The following TBC1D8 variants were observed in gnomAD, a reference collection of about 807,000 sequenced individuals.
TBC1D8 encodes BUB2-like protein 1.
TBC1D8 carries 65 observed loss-of-function variants against 118.8 expected under a neutral mutation model. The ratio of observed to expected loss-of-function variants is 0.55; its 90% CI spans 0.45 to 0.67. The LOEUF is 0.67. Ranked by LOEUF, TBC1D8 falls within the 30% of genes least tolerant of loss-of-function variation. The pLI, the probability that TBC1D8 is intolerant of heterozygous loss-of-function variation, is 0.00. For synonymous variants in TBC1D8, 566 were observed against 595.8 expected (o/e 0.95, Z 0.73); for missense variants, 1,376 against 1,471.2 (o/e 0.94, Z 1.06).
chr2:101,145,860 T>C (rs1679297728), intron 1 of TBC1D8, among the ~76,000 whole-genome samples: 1 of 152,242 alleles, frequency 6.6e-6, no homozygotes, highest in South Asian at 2.1e-4. Flanking sequence ...TGTTTAAATA[T>C]TTCATCTTTT....
At chr2:101,146,078 T>C (rs1679305838) in intron 1 of TBC1D8, among the ~76,000 whole-genome samples, 1 of 152,212 alleles carries the variant, frequency 6.6e-6, no homozygotes, top group African/African-American at 2.4e-5. Flanking sequence ...AGCCTTATTT[T>C]AATCATAACC....
chr2:101,074,833 C>CATCA (rs1447500833), intron 2 of TBC1D8, among the ~76,000 whole-genome samples: 2 of 152,090 alleles, frequency 1.3e-5, no homozygotes, highest in African/African-American at 4.8e-5. Context: ...TTTTCTTTAT[C>CATCA]ATCACACACA....
intron 1 of TBC1D8, among the ~76,000 whole-genome samples, chr2:101,096,796 G>GAGAGA (rs1553418149): frequency 6.8e-6 from 1 of 146,502 alleles, no homozygotes; most frequent in Non-Finnish European, 1.5e-5. Context: ...AGAGAGAGGG[G>GAGAGA]GAGAGAGAGA....
intron 2 of TBC1D8, chr2:101,068,569 G>A (rs1262800073): frequency 1.1e-5 from 6 of 555,616 alleles, no homozygotes; most frequent in Non-Finnish European, 1.7e-5. Flanking sequence ...CTCTGACTCT[G>A]GTAAAATTAG....
Position 101,151,143 on chromosome 2 carries a change from C to G in TBC1D8, c.111G>C (p.Gly37=). ...GCCCCTTACCGGTGAGGCGGCCGCC[C>G]CCCTCGCCGTGCCCGCGGCGCCGCT... ...ILQRRRGHGE[G]GGRLTGRLVG... The change falls in exon 1 of 20, where the codon GGG becomes GGC. Residue 37 remains glycine, a synonymous_variant. Coordinates refer to ENST00000409318, the MANE Select transcript of TBC1D8 (RefSeq NM_001330348.2). The G allele has an allele frequency of 1.7e-6, 2 of 1,188,920 alleles. No individual in the cohort carries two copies. The highest frequency in any genetic ancestry group is 2.1e-6 in the Non-Finnish European group (2 of 936,706). The allele number at this position is 1,188,920 out of a possible 1,614,324, so 73.6% of individuals were successfully genotyped here. A position where few individuals can be genotyped will look rare whatever the true frequency, so the allele number is the denominator to read the frequency against.
chr2:101,079,680 G>GTTTTTTT (rs35466679), intron 2 of TBC1D8, among the ~76,000 whole-genome samples: 15 of 81,790 alleles, frequency 1.8e-4, no homozygotes, highest in African/African-American at 2.5e-4. Flanking sequence ...GTCCAGTCTG[G>GTTTTTTT]TTTTTTTTTT....
chr2:101,119,194 G>A (rs1267323019), intron 1 of TBC1D8, among the ~76,000 whole-genome samples: 1 of 152,128 alleles, frequency 6.6e-6, no homozygotes, highest in African/African-American at 2.4e-5. Context: ...TTCCCATATG[G>A]AGAAACATGG....
chr2:101,085,171 A>G (rs185023831), intron 2 of TBC1D8, among the ~76,000 whole-genome samples: 23 of 152,200 alleles, frequency 1.5e-4, no homozygotes, highest in Non-Finnish European at 2.5e-4. Flanking sequence ...CTATTAAACT[A>G]TAACAGTTTA....
chr2:101,008,829 A>G (rs2105355283), intron 19 of TBC1D8, among the ~76,000 whole-genome samples: 1 of 152,162 alleles, frequency 6.6e-6, no homozygotes, highest in East Asian at 1.9e-4. Context: ...AAAAAATGAA[A>G]CCACAGCAAC....
At chr2:101,119,034 C>T (rs541778123) in intron 1 of TBC1D8, among the ~76,000 whole-genome samples, 2 of 152,102 alleles carry the variant, frequency 1.3e-5, no homozygotes, top group Admixed American at 6.6e-5. Context: ...AAAGACTCCA[C>T]GAAAGACTCT....
chr2:101,066,888 T>C (rs1429792789), intron 2 of TBC1D8, among the ~76,000 whole-genome samples: 1 of 141,356 alleles, frequency 7.1e-6, no homozygotes, highest in Non-Finnish European at 1.5e-5. Flanking sequence ...GAAGTTGCAG[T>C]GAGCGGAGAT....
intron 1 of TBC1D8, among the ~76,000 whole-genome samples, chr2:101,132,227 AATATG>A (rs2104259204): frequency 6.6e-6 from 1 of 152,336 alleles, no homozygotes; most frequent in East Asian, 1.9e-4. Context: ...ATAATGATAC[AATATG>A]ATATATGATA....
At chr2:101,057,056 T>C (rs1682479696) in intron 3 of TBC1D8, among the ~76,000 whole-genome samples, 1 of 152,194 alleles carries the variant, frequency 6.6e-6, no homozygotes, top group South Asian at 2.1e-4. Flanking sequence ...AGCTTCAAAG[T>C]GTCAGGGACT....
intron 17 of TBC1D8, among the ~76,000 whole-genome samples, chr2:101,018,544 A>G (rs937163036): frequency 6.6e-6 from 1 of 152,210 alleles, no homozygotes; most frequent in Non-Finnish European, 1.5e-5. Flanking sequence ...CAAAGACTGG[A>G]GCAGCTTCAA....
intron 2 of TBC1D8, among the ~76,000 whole-genome samples, chr2:101,081,005 GC>G (rs1006521685): frequency 1.3e-4 from 20 of 152,070 alleles, no homozygotes; most frequent in African/African-American, 4.8e-4. Flanking sequence ...TGAATTCCCA[GC>G]CTGAAGCAAC....
intron 1 of TBC1D8, among the ~76,000 whole-genome samples, chr2:101,149,416 C>T (rs1159129865): frequency 6.6e-6 from 1 of 152,170 alleles, no homozygotes; most frequent in Non-Finnish European, 1.5e-5. Context: ...CACCCACTAA[C>T]TAGATGGTGA....
chr2:101,081,586 T>A (rs1169711282), intron 2 of TBC1D8, among the ~76,000 whole-genome samples: 2 of 152,186 alleles, frequency 1.3e-5, no homozygotes, highest in Non-Finnish European at 2.9e-5. Flanking sequence ...ACCCTCCCCA[T>A]GCTCTCGGGA....
At chr2:101,116,397 C>A (rs1677818726) in intron 1 of TBC1D8, among the ~76,000 whole-genome samples, 1 of 152,160 alleles carries the variant, frequency 6.6e-6, no homozygotes, top group African/African-American at 2.4e-5. Context: ...CTCTCTCAGG[C>A]TCAGCTTCCT....
intron 2 of TBC1D8, among the ~76,000 whole-genome samples, chr2:101,067,111 T>A (rs1473744220): frequency 7.2e-5 from 11 of 152,294 alleles, no homozygotes; most frequent in Admixed American, 2.6e-4. Context: ...CCAGTGGCTA[T>A]GGGAGGAAGG....
Sources: gnomAD v4.1 joint callset for allele counts (sites outside exome capture counted in the v4.1 genomes callset) on GRCh38, gnomAD v4.1.1 for gene constraint, MANE v1.5 for transcripts, NCBI Gene and HGNC (gene_info 2026-07-23, HGNC 2026-07-21) for gene names.